The following HDAC8 variants were observed in gnomAD, a reference collection of about 807,000 sequenced individuals.
HDAC8 encodes the protein histone deacetylase-like 1.
A neutral mutation model predicts 32.2 loss-of-function variants in HDAC8; 1 was observed. The ratio of observed to expected loss-of-function variants is 0.03; its 90% confidence interval spans 0.01 to 0.15. The LOEUF is 0.15. Among genes scored for constraint, HDAC8 ranks in the 10% least tolerant of loss-of-function variants. HDAC8 has a pLI of 1.00. For synonymous variants in HDAC8, 108 were observed against 113.9 expected, an observed-to-expected ratio of 0.95 and a Z score of 0.33; for missense variants, 117 against 300.0, an observed-to-expected ratio of 0.39 and a Z score of 4.51.
intron 9 of HDAC8, among the ~76,000 whole-genome samples, chrX:72,377,358 T>C (rs573551530): frequency 8.9e-6 from 1 of 112,520 alleles, no homozygotes; most frequent in South Asian, 3.7e-4. Context: ...ATTTAACTTA[T>C]GTTCTGTCCT....
chrX:72,499,669 C>A (rs1365959582), intron 4 of HDAC8, among the ~76,000 whole-genome samples: 2 of 111,630 alleles, frequency 1.8e-5, no homozygotes, highest in African/African-American at 3.3e-5. Flanking sequence ...ACTCCTAGCA[C>A]TAAATGCCCA....
chrX:72,469,885 C>T (rs1275783476), intron 7 of HDAC8, among the ~76,000 whole-genome samples: 1 of 110,771 alleles, frequency 9.0e-6, no homozygotes, highest in Admixed American at 9.7e-5. Context: ...CACGGTGGCT[C>T]ATACCTGTAA....
chrX:72,354,861 A>G (rs1467458756), intron 9 of HDAC8, among the ~76,000 whole-genome samples: 1 of 111,688 alleles, frequency 9.0e-6, no homozygotes, highest in Non-Finnish European at 1.9e-5. Flanking sequence ...AGCCAATGAG[A>G]TAATATCTAT....
chrX:72,559,642 C>T lies in HDAC8; in HGVS notation c.437+8247G>A, dbSNP rs781956439. On this transcript the variant is annotated intron_variant, in intron 4 of 10. Transcript: ENST00000373573. The stretch of plus-strand genomic sequence containing the variant: ...GAAGTGAGGAGCGTCTCTGCCCGGC[C>T]GCCCATCGTCTGAGATGTGGGGAGC... Among the ~76,000 whole-genome samples, 18 of 108,942 alleles carry T rather than the reference C, an allele frequency of 1.7e-4. No homozygotes were observed. The East Asian group carries it at 1.8e-3, about 11-fold the overall frequency. The allele number at this position is 108,942 out of a possible 115,157, so 94.6% of individuals were successfully genotyped here. A position where few individuals can be genotyped will look rare whatever the true frequency, so the allele number is the denominator to read the frequency against.
chrX:72,513,298 A>C, intron 4 of HDAC8, among the ~76,000 whole-genome samples: 1 of 111,220 alleles, frequency 9.0e-6, no homozygotes, highest in Non-Finnish European at 1.9e-5. Context: ...AGTGCTTAGC[A>C]CATGCTATGC....
rs60974663 is a variant in HDAC8, at chrX:72,343,453, G to A, written c.1111+8280C>T. On this transcript the variant is annotated intron_variant, in intron 10 of 10. Transcript: ENST00000373573. ...CTCTCAAAATGCTGGGATTACAGGC[G>A]TGAGCTACCATGCCCGGCCGAACTC... is the stretch of plus-strand genomic sequence containing the variant. Among the ~76,000 whole-genome samples, 875 of 109,504 alleles carry A rather than the reference G, an allele frequency of 8.0e-3. 8 individuals carry two copies. Among genetic ancestry groups the A allele is most frequent in the African/African-American group, 0.028 (829 of 30,058 alleles).
intron 2 of HDAC8, among the ~76,000 whole-genome samples, chrX:72,570,286 A>C (rs1556148564): frequency 8.9e-6 from 1 of 112,187 alleles, no homozygotes; most frequent in Non-Finnish European, 1.9e-5. Context: ...TATTTTGGTA[A>C]ATGTTAAAAA....
At chrX:72,463,316 C>T (rs1555992507) in intron 8 of HDAC8, among the ~76,000 whole-genome samples, 1 of 112,040 alleles carries the variant, frequency 8.9e-6, no homozygotes, top group Non-Finnish European at 1.9e-5. Context: ...TGCAAAAATT[C>T]CATTTATGCA....
At chrX:72,435,150 G>C (rs1555978698) in intron 9 of HDAC8, among the ~76,000 whole-genome samples, 1 of 111,868 alleles carries the variant, frequency 8.9e-6, no homozygotes, top group African/African-American at 3.2e-5. Flanking sequence ...AATTGTTTAA[G>C]GGTATTGGAG....
At chrX:72,338,855 C>T (rs1210477332) in intron 10 of HDAC8, among the ~76,000 whole-genome samples, 1 of 105,777 alleles carries the variant, frequency 9.5e-6, no homozygotes, top group Non-Finnish European at 1.9e-5. Context: ...TCGAGACCAG[C>T]CTGGGGAAAA....
chrX:72,464,076 C>G (rs1555992898), intron 8 of HDAC8, among the ~76,000 whole-genome samples: 1 of 111,953 alleles, frequency 8.9e-6, no homozygotes, highest in Non-Finnish European at 1.9e-5. Flanking sequence ...TTTTGCTTCA[C>G]TGTAACAAAT....
intron 9 of HDAC8, among the ~76,000 whole-genome samples, chrX:72,439,790 TGCACCCAATACAGGA>T (rs1392888792): frequency 9.0e-6 from 1 of 111,587 alleles, no homozygotes; most frequent in Non-Finnish European, 1.9e-5. Context: ...TAAATATATG[TGCACCCAATACAGGA>T]GCACCCAGAT....
At chrX:72,506,911 G>A (rs1294707165) in intron 4 of HDAC8, among the ~76,000 whole-genome samples, 1 of 110,961 alleles carries the variant, frequency 9.0e-6, no homozygotes, top group African/African-American at 3.3e-5. Flanking sequence ...GAATGCAGCA[G>A]CATGATCTCA....
chrX:72,455,044 A>G (rs2047683577), intron 9 of HDAC8, among the ~76,000 whole-genome samples: 2 of 112,573 alleles, frequency 1.8e-5, no homozygotes, highest in African/African-American at 6.5e-5. Context: ...TATCAGCACT[A>G]ACTAATCTTT....
intron 9 of HDAC8, among the ~76,000 whole-genome samples, chrX:72,455,060 C>T (rs1456820765): frequency 1.8e-5 from 2 of 112,117 alleles, no homozygotes; most frequent in African/African-American, 3.2e-5. Context: ...TCTTTGAAGA[C>T]GATCTTCTTT....
intron 9 of HDAC8, among the ~76,000 whole-genome samples, chrX:72,360,544 G>A: frequency 8.9e-6 from 1 of 112,055 alleles, no homozygotes; most frequent in Middle Eastern, 4.6e-3. Flanking sequence ...ACTGTTTTTA[G>A]TTGGGGAAGT....
chrX:72,409,093 C>T, intron 9 of HDAC8, among the ~76,000 whole-genome samples: 1 of 112,257 alleles, frequency 8.9e-6, no homozygotes, highest in Non-Finnish European at 1.9e-5. Flanking sequence ...GTGACTCAAA[C>T]TCAAATTGCT....
At chrX:72,331,230 C>T (rs1475214731) in intron 10 of HDAC8, among the ~76,000 whole-genome samples, 3 of 110,800 alleles carry the variant, frequency 2.7e-5, no homozygotes, top group Admixed American at 9.6e-5. Flanking sequence ...CAGGTATGCC[C>T]GGCCTTGCCT....
intron 9 of HDAC8, among the ~76,000 whole-genome samples, chrX:72,439,583 G>A (rs1192193290): frequency 3.4e-5 from 3 of 88,179 alleles, no homozygotes; most frequent in African/African-American, 1.4e-4. Context: ...CACGTGCAAA[G>A]ACACACATAG....
Sources: allele counts gnomAD v4.1 joint callset (sites outside exome capture counted in the v4.1 genomes callset), GRCh38; gene constraint gnomAD v4.1.1; transcripts MANE v1.5; gene names NCBI Gene and HGNC (gene_info 2026-07-23, HGNC 2026-07-21).